The following HERC2 variants were observed in gnomAD, a reference collection of about 807,000 sequenced individuals.
The protein encoded by HERC2 is HECT and RLD domain containing E3 ubiquitin protein ligase 2.
A neutral mutation model predicts 537.7 loss-of-function variants in HERC2; 102 were observed. That is an observed-to-expected ratio of 0.19 (90% CI 0.16 to 0.22). The LOEUF (loss-of-function observed/expected upper bound fraction) is 0.22, where lower values mean the gene tolerates loss of function less well. HERC2 is among the 10% of genes least tolerant of loss of function. HERC2 has a pLI of 1.00. For missense variants in HERC2, 4,236 were observed against 6,198.2 expected, an observed-to-expected ratio of 0.68 and a Z score of 10.63; for synonymous variants, 2,224 against 2,466.2, an observed-to-expected ratio of 0.90 and a Z score of 2.91.
In HERC2 at chr15:28,174,094, G is replaced by A. The variant is rs558813339; in HGVS notation, c.10057+301C>T. On this transcript the variant is annotated intron_variant, in intron 65 of 92. Transcript: ENST00000261609. ...AATAAAGCTGTTAAAAAATACAAAA[G>A]AGCCCAGTACAGTGCCTGTATCTCT... is the stretch of plus-strand genomic sequence containing the variant. 6.6e-5 allele frequency among the ~76,000 whole-genome samples: 10 copies of A among 152,124 alleles called. No individual in the cohort carries two copies. In the East Asian group the frequency reaches 1.9e-3, roughly 29 times the overall value.
Position 28,265,621 on chromosome 15 carries a change from T to G in HERC2, c.1867A>C (p.Asn623His). 3 of 1,613,606 alleles carry G rather than the reference T, an allele frequency of 1.9e-6. No homozygotes were observed. The highest frequency in any genetic ancestry group is 1.7e-6 in the Non-Finnish European group (2 of 1,179,720). The change falls in exon 14 of 93, where the codon AAC becomes CAC. Residue 623 changes from asparagine (N) to histidine (H), a missense_variant. Transcript: ENST00000261609. This position sits in a 1 kb window ranked among gnomAD's most constrained non-coding sequence, Gnocchi z 4.0. The part of the protein sequence containing the change: ...GDAQTLAVTE[N>H]GQVWSWGDGD... ...GGGTGGCGAGAGCTCTACGTACCGT[T>G]CTCAGTGACAGCCAGGGTTTGAGCA... is the stretch of plus-strand genomic sequence containing the variant.
intron 7 of HERC2, among the ~76,000 whole-genome samples, chr15:28,273,929 TTATC>T (rs1362558677): frequency 3.9e-5 from 6 of 152,196 alleles, no homozygotes; most frequent in Non-Finnish European, 5.9e-5. Context: ...TACTCCCACA[TTATC>T]TATAAGACTT....
At chr15:28,249,218 G>C (rs1904023069) in intron 20 of HERC2, among the ~76,000 whole-genome samples, 1 of 152,242 alleles carries the variant, frequency 6.6e-6, no homozygotes, top group Non-Finnish European at 1.5e-5. Context: ...AGACTCGCCT[G>C]CATTGCCACA....
At chr15:28,185,281 T>C (rs1896202048) in intron 56 of HERC2, among the ~76,000 whole-genome samples, 1 of 152,054 alleles carries the variant, frequency 6.6e-6, no homozygotes, top group Non-Finnish European at 1.5e-5. Context: ...TGTCTCCTCA[T>C]GTCACACGCT....
intron 68 of HERC2, among the ~76,000 whole-genome samples, chr15:28,164,221 C>T (rs993423965): frequency 1.3e-5 from 2 of 152,146 alleles, no homozygotes; most frequent in African/African-American, 4.8e-5. Context: ...GCTTTCTGGA[C>T]CTCAGCAAAT....
At chr15:28,304,688 T>C (rs1193626042) in intron 2 of HERC2, among the ~76,000 whole-genome samples, 1 of 149,972 alleles carries the variant, frequency 6.7e-6, no homozygotes, top group African/African-American at 2.5e-5. Flanking sequence ...CTGACTCCTC[T>C]AGCAAGGGCT....
intron 14 of HERC2, among the ~76,000 whole-genome samples, chr15:28,263,738 A>G (rs190947770): frequency 6.6e-6 from 1 of 152,220 alleles, no homozygotes; most frequent in Admixed American, 6.5e-5. Context: ...TTGCTAAAAA[A>G]CAGAATTGTT....
chr15:28,292,806 A>C, intron 4 of HERC2, 82 bp downstream of exon 4: 1 of 1,387,786 alleles, frequency 7.2e-7, no homozygotes, highest in South Asian at 1.3e-5. Flanking sequence ...TGTTACCAAA[A>C]AAATACTAAG....
chr15:28,245,834 A>C, intron 23 of HERC2, 47 bp downstream of exon 23: 1 of 1,484,578 alleles, frequency 6.7e-7, no homozygotes, highest in Non-Finnish European at 9.3e-7. Flanking sequence ...TAGGTTAGAC[A>C]AGGACAATAA....
chr15:28,296,581 T>C (rs2076475268), intron 3 of HERC2, among the ~76,000 whole-genome samples: 1 of 151,986 alleles, frequency 6.6e-6, no homozygotes, highest in Admixed American at 6.6e-5. Flanking sequence ...AGAACTATTG[T>C]TTCACAGAAA....
intron 20 of HERC2, among the ~76,000 whole-genome samples, chr15:28,252,330 C>A (rs1030494337): frequency 6.6e-6 from 1 of 151,994 alleles, no homozygotes; most frequent in African/African-American, 2.4e-5. Flanking sequence ...AAAACGGGCA[C>A]TGCCCTCGTG....
intron 65 of HERC2, among the ~76,000 whole-genome samples, 179 bp downstream of exon 65, chr15:28,174,216 T>C (rs112563047): frequency 0.067 from 10,006 of 148,898 alleles, 353 homozygotes; most frequent in Admixed American, 0.14. Flanking sequence ...TCTTCTAAAA[T>C]TTTCATTCCA....
chr15:28,250,321 C>T (rs1353218546), intron 20 of HERC2, among the ~76,000 whole-genome samples: 3 of 152,112 alleles, frequency 2.0e-5, no homozygotes, highest in African/African-American at 7.2e-5. Flanking sequence ...ACTGGGCTCA[C>T]CACCACCAGA....
rs998832866 is a variant in HERC2, at chr15:28,121,277, C to A, written c.13272+69G>T. Reference sequence around the variant, plus strand: ...TGGCAGGCTACCAGCGCTCTCGTCCCAGCCCAGGTACCCACGAAAGCATCA... The same window carrying A: ...TGGCAGGCTACCAGCGCTCTCGTCCAAGCCCAGGTACCCACGAAAGCATCA... On this transcript the variant is annotated intron_variant, in intron 86 of 92. Transcript: ENST00000261609. The A allele has an allele frequency of 3.5e-6, 5 of 1,413,228 alleles. No homozygotes were observed. In the African/African-American group the frequency reaches 7.0e-5, roughly 20 times the overall value. 87.5% of individuals were successfully genotyped at this position (1,413,228 alleles called of 1,614,324 possible).
chr15:28,298,113 A>T (rs201870985), intron 3 of HERC2, among the ~76,000 whole-genome samples: 2 of 131,316 alleles, frequency 1.5e-5, no homozygotes, highest in South Asian at 2.4e-4. Flanking sequence ...TGAAACTGAA[A>T]AGGGAGACTA....
In HERC2 at chr15:28,274,298, C is replaced by T. The variant is rs1567103522; in HGVS notation, c.793G>A (p.Val265Met). 8 of 1,614,056 alleles carry T rather than the reference C, an allele frequency of 5.0e-6. No individual in the cohort carries two copies. The highest frequency in any genetic ancestry group is 6.8e-6 in the Non-Finnish European group (8 of 1,180,004). ...AGAAAGGAAAGAACTCACCCCGTCA[C>T]GACGGACCTGAGGAACCTGGTCGCT... ...ERATRFLRSV[V>M]TGDVHGTPAT... Residue 265 changes from valine (V) to methionine (M), a missense_variant, in exon 7 of 93, where the codon GTG becomes ATG. Physicochemically the swap from Val to Met is conservative, Grantham distance 21. This residue lies in a region of HERC2 where 491 missense variants were observed against 559.3 expected (regional missense o/e 0.88). Transcript: ENST00000261609.
At chr15:28,294,018 A>T (rs1453222650) in intron 3 of HERC2, among the ~76,000 whole-genome samples, 2 of 152,360 alleles carry the variant, frequency 1.3e-5, no homozygotes, top group African/African-American at 2.4e-5. Flanking sequence ...TCGGTGAAAG[A>T]CACGATATCC....
intron 9 of HERC2, 39 bp downstream of exon 9, chr15:28,272,176 G>C (rs777163965): frequency 5.9e-6 from 9 of 1,528,860 alleles, no homozygotes; most frequent in Non-Finnish European, 8.0e-6. Context: ...AACTAGACTC[G>C]AGTGCCACCT....
intron 39 of HERC2, 84 bp downstream of exon 39, chr15:28,215,537 T>C: frequency 1.0e-5 from 12 of 1,187,974 alleles, no homozygotes; most frequent in Non-Finnish European, 1.4e-5. Context: ...CGTTACTGAA[T>C]AAAGGCCCCT....
Sources: allele counts gnomAD v4.1 joint callset (sites outside exome capture counted in the v4.1 genomes callset), GRCh38; gene constraint gnomAD v4.1.1; regional missense constraint gnomAD v4.1.1; non-coding constraint Gnocchi (gnomAD v3.1); transcripts MANE v1.5; gene names NCBI Gene and HGNC (gene_info 2026-07-23, HGNC 2026-07-21).